The following DAB1 variants were observed in gnomAD, a reference collection of about 807,000 sequenced individuals.
DAB1 encodes disabled homolog 1.
In DAB1, 15 loss-of-function variants were observed where a neutral mutation model predicts 64.6. The observed-to-expected ratio is 0.23, with a 90% CI of 0.16 to 0.36. The LOEUF is 0.36. Among genes scored for constraint, DAB1 ranks in the 10% least tolerant of loss-of-function variants. DAB1 has a pLI of 1.00. For missense variants in DAB1, 596 were observed against 706.7 expected (o/e 0.84, Z 1.78); for synonymous variants, 235 against 251.9 (o/e 0.93, Z 0.64).
intron 7 of DAB1, among the ~76,000 whole-genome samples, chr1:57,523,568 G>A (rs1388859248): frequency 6.6e-6 from 1 of 152,104 alleles, no homozygotes; most frequent in Non-Finnish European, 1.5e-5. Flanking sequence ...CATAGAAAAG[G>A]CATAATTTTA....
chr1:57,267,323 T>TGAGAAAGTA (rs979524532), intron 2 of DAB1, among the ~76,000 whole-genome samples: 1 of 152,076 alleles, frequency 6.6e-6, no homozygotes, highest in African/African-American at 2.4e-5. Context: ...TCCAGAACGC[T>TGAGAAAGTA]GAGAAAGTAC....
At chr1:57,573,515 C>T (rs1402826555) in intron 7 of DAB1, among the ~76,000 whole-genome samples, 1 of 152,200 alleles carries the variant, frequency 6.6e-6, no homozygotes, top group Non-Finnish European at 1.5e-5. Flanking sequence ...AGAGTTGGCT[C>T]ACTAATACTT....
intron 3 of DAB1, among the ~76,000 whole-genome samples, chr1:58,405,910 G>A (rs1005521039): frequency 5.3e-5 from 8 of 152,108 alleles, no homozygotes; most frequent in Non-Finnish European, 7.4e-5. Context: ...GGGACTGACC[G>A]TGTCCCAGGG....
intron 7 of DAB1, among the ~76,000 whole-genome samples, chr1:57,636,290 T>C (rs1646056648): frequency 6.6e-6 from 1 of 152,044 alleles, no homozygotes; most frequent in African/African-American, 2.4e-5. Flanking sequence ...ACTTTGATCT[T>C]GAACCTCTTG....
At chr1:58,001,672 C>T (rs1372088955) in intron 5 of DAB1, among the ~76,000 whole-genome samples, 1 of 152,138 alleles carries the variant, frequency 6.6e-6, no homozygotes, top group African/African-American at 2.4e-5. Flanking sequence ...ATTAAAAAGA[C>T]CACAGATTAT....
chr1:57,933,067 A>T (rs1019398160), intron 5 of DAB1, among the ~76,000 whole-genome samples: 1 of 152,198 alleles, frequency 6.6e-6, no homozygotes, highest in Non-Finnish European at 1.5e-5. Flanking sequence ...ATACACTATA[A>T]AAACCAGGCA....
rs140459730 is a variant in DAB1, at chr1:57,565,716, A to C, written n.625+83876T>G. Among the ~76,000 whole-genome samples the C allele has an allele frequency of 5.1e-3, 777 of 152,318 alleles. 5 individuals are homozygous for C. Among genetic ancestry groups the C allele is most frequent in the Non-Finnish European group, 9.1e-3 (616 of 68,026 alleles). Reference sequence around the variant, plus strand: ...ATGGTAAAGGGGTCAATTCAACAAGAAGAGCGAACTATCCTAAATATATAT... The same window carrying C: ...ATGGTAAAGGGGTCAATTCAACAAGCAGAGCGAACTATCCTAAATATATAT... On this transcript the variant is annotated intron_variant and non_coding_transcript_variant, in intron 7 of 20. Transcript: ENST00000485760.
intron 6 of DAB1, among the ~76,000 whole-genome samples, chr1:57,726,605 G>C (rs1183587188): frequency 1.3e-5 from 2 of 152,132 alleles, no homozygotes; most frequent in Non-Finnish European, 2.9e-5. Context: ...GTTGAAGTCA[G>C]GTGCTGTTCT....
At position 58,099,674 on chromosome 1, in the gene DAB1, C is replaced by T. The variant is rs188882189; in HGVS notation, n.387+50837G>A. ...CAGGCTAAAAGTCAGTCTGGTGCCA[C>T]GCTCTGTGCTGAAGGATCTCTCATG... is the stretch of plus-strand genomic sequence containing the variant. On this transcript the variant is annotated intron_variant and non_coding_transcript_variant, in intron 5 of 20. Coordinates refer to the DAB1 transcript ENST00000485760. Among the ~76,000 whole-genome samples, 67 of 152,306 alleles carry T rather than the reference C, an allele frequency of 4.4e-4. 1 individual carries two copies. The highest frequency in any genetic ancestry group is 1.6e-4 in the Non-Finnish European group (11 of 68,024).
intron 2 of DAB1, among the ~76,000 whole-genome samples, chr1:57,246,728 G>A (rs532011211): frequency 5.9e-5 from 9 of 152,328 alleles, no homozygotes; most frequent in African/African-American, 1.9e-4. Context: ...AACCTCGGGG[G>A]CTATATCCTG....
At chr1:58,519,034 C>T (rs1278817818) in intron 2 of DAB1, among the ~76,000 whole-genome samples, 2 of 152,142 alleles carry the variant, frequency 1.3e-5, no homozygotes, top group Non-Finnish European at 2.9e-5. Context: ...ATTATCTCTA[C>T]ACTTATTGCT....
chr1:57,405,528 C>A (rs1195616906), intron 1 of DAB1, among the ~76,000 whole-genome samples: 3 of 152,166 alleles, frequency 2.0e-5, no homozygotes, highest in African/African-American at 7.2e-5. Flanking sequence ...ATCTTTAGTC[C>A]ACAAAATATT....
chr1:56,998,405 A>T (rs1645714801), intron 14 of DAB1, among the ~76,000 whole-genome samples: 1 of 152,194 alleles, frequency 6.6e-6, no homozygotes, highest in Non-Finnish European at 1.5e-5. Flanking sequence ...GAGTTAGAAA[A>T]GCTGTGTCAT....
intron 7 of DAB1, among the ~76,000 whole-genome samples, chr1:57,433,297 A>G (rs1685579170): frequency 6.6e-6 from 1 of 152,276 alleles, no homozygotes; most frequent in Admixed American, 6.5e-5. Context: ...GGTTTATCCT[A>G]CCTGATTTCA....
At chr1:57,956,605 G>T (rs1250568436) in intron 5 of DAB1, among the ~76,000 whole-genome samples, 1 of 152,170 alleles carries the variant, frequency 6.6e-6, no homozygotes, top group Non-Finnish European at 1.5e-5. Flanking sequence ...ACCAAAACAG[G>T]CAGAAAGCAG....
At chr1:58,091,892 AT>A (rs371379015) in intron 5 of DAB1, among the ~76,000 whole-genome samples, 26 of 145,340 alleles carry the variant, frequency 1.8e-4, no homozygotes, top group Non-Finnish European at 3.0e-4. Flanking sequence ...TGAACTCCTG[AT>A]TTTTTTTTTC....
intron 1 of DAB1, among the ~76,000 whole-genome samples, chr1:57,297,470 C>A (rs1261566975): frequency 6.6e-6 from 1 of 151,756 alleles, no homozygotes; most frequent in East Asian, 1.9e-4. Context: ...TCAGATGATT[C>A]AGAAAAAACA....
intron 3 of DAB1, among the ~76,000 whole-genome samples, chr1:58,384,143 A>G (rs979364673): frequency 6.6e-6 from 1 of 152,118 alleles, no homozygotes; most frequent in Non-Finnish European, 1.5e-5. Context: ...ATGATTATCA[A>G]TGTTGAACAA....
intron 7 of DAB1, among the ~76,000 whole-genome samples, chr1:57,588,675 A>G (rs1645408051): frequency 6.6e-6 from 1 of 152,260 alleles, no homozygotes; most frequent in African/African-American, 2.4e-5. Flanking sequence ...ATTTAGAAGC[A>G]ATACATATTG....
Sources: gnomAD v4.1 joint callset for allele counts (sites outside exome capture counted in the v4.1 genomes callset) on GRCh38, gnomAD v4.1.1 for gene constraint, MANE v1.5 for transcripts, NCBI Gene and HGNC (gene_info 2026-07-23, HGNC 2026-07-21) for gene names.